The following GABRB2 variants were observed in gnomAD, a reference collection of about 807,000 sequenced individuals.
The protein encoded by GABRB2 is gamma-aminobutyric acid receptor subunit beta-2.
In GABRB2, 16 loss-of-function variants were observed where a neutral mutation model predicts 54.7. That is an observed-to-expected ratio of 0.29 (90% CI 0.20 to 0.44). The LOEUF is 0.44. GABRB2 is among the 20% of genes least tolerant of loss of function. The pLI, the probability that GABRB2 is intolerant of heterozygous loss-of-function variation, is 1.00. For synonymous variants in GABRB2, 244 were observed against 233.8 expected, an observed-to-expected ratio of 1.04 and a Z score of -0.40; for missense variants, 355 against 644.0, an observed-to-expected ratio of 0.55 and a Z score of 4.86.
At chr5:161,402,089 A>T (rs1756213679) in intron 5 of GABRB2, among the ~76,000 whole-genome samples, 1 of 151,566 alleles carries the variant, frequency 6.6e-6, no homozygotes, top group Non-Finnish European at 1.5e-5. Context: ...GTTTATATAC[A>T]AATATATATA....
At chr5:161,476,366 G>A (rs1462211785) in intron 3 of GABRB2, among the ~76,000 whole-genome samples, 1 of 151,812 alleles carries the variant, frequency 6.6e-6, no homozygotes, top group Non-Finnish European at 1.5e-5. Context: ...ACTACCCACG[G>A]TAAACTACAG....
chr5:161,388,212 C>T (rs932812484), intron 5 of GABRB2, among the ~76,000 whole-genome samples: 1 of 152,112 alleles, frequency 6.6e-6, no homozygotes, highest in East Asian at 1.9e-4. Flanking sequence ...ATGGATGTCA[C>T]ATACATGAGT....
At chr5:161,509,452 TCAGTTAAGGCATCAC>T (rs1408457151) in intron 3 of GABRB2, among the ~76,000 whole-genome samples, 79 of 152,042 alleles carry the variant, frequency 5.2e-4, no homozygotes, top group African/African-American at 1.8e-3. Context: ...ATGAGGAAAA[TCAGTTAAGGCATCAC>T]TTTCTCTGAA....
chr5:161,336,976 G>T (rs1184005229), intron 5 of GABRB2, among the ~76,000 whole-genome samples: 1 of 152,068 alleles, frequency 6.6e-6, no homozygotes, highest in Non-Finnish European at 1.5e-5. Context: ...CATTAGGGTA[G>T]TATAATTAGG....
intron 3 of GABRB2, among the ~76,000 whole-genome samples, chr5:161,511,620 C>T (rs1759770607): frequency 6.6e-6 from 1 of 151,964 alleles, no homozygotes; most frequent in African/African-American, 2.4e-5. Flanking sequence ...AACTAGGTGA[C>T]TTAGGCAAAA....
intron 3 of GABRB2, among the ~76,000 whole-genome samples, chr5:161,506,199 GA>G (rs1419385259): frequency 6.6e-6 from 1 of 151,958 alleles, no homozygotes; most frequent in Non-Finnish European, 1.5e-5. Context: ...ACATACTAAG[GA>G]AAAGTTTTAA....
chr5:161,331,743 G>C lies in GABRB2; in HGVS notation c.833-616C>G, dbSNP rs1289860509. Reference sequence around the variant, plus strand: ...GGGCCATGCAGAGAGCCTAATGGGGGAGTTTGAACTTAAAATTAAAGGCAA... The same window carrying C: ...GGGCCATGCAGAGAGCCTAATGGGGCAGTTTGAACTTAAAATTAAAGGCAA... On this transcript the variant is annotated intron_variant, in intron 7 of 9. Coordinates refer to ENST00000393959, the MANE Select transcript of GABRB2 (RefSeq NM_001371727.1). Among the ~76,000 whole-genome samples the C allele has an allele frequency of 3.9e-5, 6 of 152,176 alleles. No individual in the cohort carries two copies. In the East Asian group the frequency reaches 9.7e-4, roughly 25 times the overall value.
At chr5:161,313,878 A>G (rs1365631048) in intron 9 of GABRB2, among the ~76,000 whole-genome samples, 2 of 152,196 alleles carry the variant, frequency 1.3e-5, no homozygotes, top group Non-Finnish European at 2.9e-5. Flanking sequence ...AGGTTTGATT[A>G]TGTTCAGGAC....
chr5:161,336,094 G>A (rs1165574208), intron 6 of GABRB2, among the ~76,000 whole-genome samples: 1 of 152,154 alleles, frequency 6.6e-6, no homozygotes, highest in Non-Finnish European at 1.5e-5. Context: ...CATGCCGTAA[G>A]GGTGAAGATG....
At chr5:161,422,200 T>A (rs1385378746) in intron 4 of GABRB2, among the ~76,000 whole-genome samples, 1 of 152,154 alleles carries the variant, frequency 6.6e-6, no homozygotes, top group Non-Finnish European at 1.5e-5. Context: ...CAAAACTGTA[T>A]GCCAGGATGT....
At chr5:161,298,315 C>T (rs1327866114) in intron 9 of GABRB2, among the ~76,000 whole-genome samples, 1 of 152,090 alleles carries the variant, frequency 6.6e-6, no homozygotes, top group African/African-American at 2.4e-5. Context: ...GCTTTTGTTG[C>T]CATTACTTTT....
chr5:161,361,790 G>C (rs1420857922), intron 5 of GABRB2, among the ~76,000 whole-genome samples: 2 of 152,094 alleles, frequency 1.3e-5, no homozygotes, highest in Non-Finnish European at 2.9e-5. Context: ...AGGAATTCAA[G>C]TCCATCCTGG....
intron 4 of GABRB2, among the ~76,000 whole-genome samples, chr5:161,428,064 G>C (rs1580977278): frequency 6.6e-6 from 1 of 152,076 alleles, no homozygotes; most frequent in East Asian, 1.9e-4. Flanking sequence ...ATTAGACTCT[G>C]TTTTCCTGAG....
At chr5:161,301,582 G>A (rs1757539401) in intron 9 of GABRB2, among the ~76,000 whole-genome samples, 2 of 152,118 alleles carry the variant, frequency 1.3e-5, no homozygotes, top group Admixed American at 6.5e-5. Context: ...TGGGAATTTT[G>A]TTGTTAGTAG....
At chr5:161,327,088 T>A (rs1316446719) in intron 8 of GABRB2, 5 of 489,524 alleles carry the variant, frequency 1.0e-5, no homozygotes, top group Non-Finnish European at 1.1e-5. Flanking sequence ...ACTAGAAGAA[T>A]GCAAGGGAAA....
intron 4 of GABRB2, among the ~76,000 whole-genome samples, chr5:161,448,520 C>T (rs1414481028): frequency 1.3e-5 from 2 of 152,116 alleles, no homozygotes; most frequent in African/African-American, 2.4e-5. Context: ...GAGATATTTC[C>T]CTGCAGACCA....
chr5:161,507,635 C>T (rs140179800), intron 3 of GABRB2, among the ~76,000 whole-genome samples: 60 of 152,082 alleles, frequency 3.9e-4, no homozygotes, highest in African/African-American at 1.4e-3. Context: ...AATGTATACA[C>T]AACTGCTACA....
At chr5:161,436,322 G>A (rs905071215) in intron 4 of GABRB2, among the ~76,000 whole-genome samples, 8 of 152,156 alleles carry the variant, frequency 5.3e-5, no homozygotes, top group Non-Finnish European at 1.5e-5. Flanking sequence ...TACGAGGTCA[G>A]TAGGTCGAGA....
At chr5:161,365,587 A>G (rs1233608847) in intron 5 of GABRB2, among the ~76,000 whole-genome samples, 2 of 152,116 alleles carry the variant, frequency 1.3e-5, no homozygotes, top group South Asian at 2.1e-4. Context: ...GGAACATTCA[A>G]TTTTTTAATG....
Sources: allele counts gnomAD v4.1 joint callset (sites outside exome capture counted in the v4.1 genomes callset), GRCh38; gene constraint gnomAD v4.1.1; transcripts MANE v1.5; gene names NCBI Gene and HGNC (gene_info 2026-07-23, HGNC 2026-07-21).